The following SPATS2L variants were observed in gnomAD, a reference collection of about 807,000 sequenced individuals.
The protein encoded by SPATS2L is SPATS2-like protein.
A neutral mutation model predicts 59.6 loss-of-function variants in SPATS2L; 30 were observed. The observed-to-expected ratio is 0.50, with a 90% CI of 0.38 to 0.68. SPATS2L has a LOEUF of 0.68. Among genes scored for constraint, SPATS2L ranks in the 30% least tolerant of loss-of-function variants. The probability of loss-of-function intolerance (pLI) is 0.00; values close to 1 mark genes in which losing one functional copy is unlikely to be tolerated. For missense variants in SPATS2L, 615 were observed against 700.0 expected, an observed-to-expected ratio of 0.88 and a Z score of 1.37; for synonymous variants, 252 against 263.5, an observed-to-expected ratio of 0.96 and a Z score of 0.42.
chr2:200,475,246 G>C (rs1458079313), intron 12 of SPATS2L, among the ~76,000 whole-genome samples: 1 of 152,206 alleles, frequency 6.6e-6, no homozygotes, highest in African/African-American at 2.4e-5. Context: ...ATCTGAGACA[G>C]GTCTCAGATA....
At chr2:200,308,239 G>GAAAA (rs11400971) in intron 1 of SPATS2L, among the ~76,000 whole-genome samples, 3 of 147,002 alleles carry the variant, frequency 2.0e-5, no homozygotes, top group Non-Finnish European at 4.5e-5. Flanking sequence ...TCTTCACTCT[G>GAAAA]AAAAAAAAAA....
chr2:200,408,158 A>G (rs1306089148), intron 3 of SPATS2L, among the ~76,000 whole-genome samples: 1 of 152,150 alleles, frequency 6.6e-6, no homozygotes, highest in Non-Finnish European at 1.5e-5. Flanking sequence ...CATGGAACAC[A>G]TGGCATTTCA....
intron 8 of SPATS2L, among the ~76,000 whole-genome samples, chr2:200,447,023 GA>G (rs2085093976): frequency 6.6e-6 from 1 of 152,174 alleles, no homozygotes; most frequent in South Asian, 2.1e-4. Flanking sequence ...GTCCTTAGAA[GA>G]AAATGGAAAA....
rs571261036 is a variant in SPATS2L, at chr2:200,414,814, T to G, written c.149-1565T>G. On this transcript the variant is annotated intron_variant, in intron 4 of 12. Coordinates refer to ENST00000409140, the MANE Select transcript of SPATS2L (RefSeq NM_001100423.2). ...AATCCTCTGTAAATATGGGTATTTC[T>G]TCTTCAAAATTAGTCCCTAAAGCTC... 4.6e-5 allele frequency among the ~76,000 whole-genome samples: 7 copies of G among 152,340 alleles called. No homozygotes were observed. In the South Asian group the frequency reaches 6.2e-4, roughly 14 times the overall value.
chr2:200,442,246 T>C (rs1186913589), intron 8 of SPATS2L, among the ~76,000 whole-genome samples: 1 of 152,226 alleles, frequency 6.6e-6, no homozygotes, highest in Non-Finnish European at 1.5e-5. Context: ...TTATTACTAT[T>C]ATTTTATAGT....
intron 2 of SPATS2L, among the ~76,000 whole-genome samples, chr2:200,345,529 C>A (rs1419414443): frequency 6.6e-6 from 1 of 152,152 alleles, no homozygotes; most frequent in Admixed American, 6.6e-5. Flanking sequence ...GACTGCCCTG[C>A]AAAATGAAGG....
At chr2:200,417,628 T>C (rs986483019) in intron 5 of SPATS2L, among the ~76,000 whole-genome samples, 4 of 152,126 alleles carry the variant, frequency 2.6e-5, no homozygotes, top group African/African-American at 9.7e-5. Flanking sequence ...ATGTGAGGCT[T>C]GAGAGCCAGA....
At chr2:200,376,470 T>C (rs545290545) in intron 2 of SPATS2L, among the ~76,000 whole-genome samples, 25 of 152,358 alleles carry the variant, frequency 1.6e-4, no homozygotes, top group Admixed American at 6.5e-4. Context: ...TGAAATCATG[T>C]ATGGAAAGAG....
chr2:200,473,782 T>C (rs2087268754), intron 12 of SPATS2L, among the ~76,000 whole-genome samples: 1 of 152,132 alleles, frequency 6.6e-6, no homozygotes, highest in Non-Finnish European at 1.5e-5. Flanking sequence ...GGCAGATCAC[T>C]TGAGGTCAGG....
intron 8 of SPATS2L, among the ~76,000 whole-genome samples, chr2:200,449,446 A>C (rs950292769): frequency 3.3e-5 from 5 of 152,240 alleles, no homozygotes; most frequent in Non-Finnish European, 7.3e-5. Flanking sequence ...CCTTCTTTGC[A>C]GAATAAAGGC....
At position 200,440,717 on chromosome 2, in the gene SPATS2L, A is replaced by G. The variant is rs758608580; in HGVS notation, c.721A>G (p.Met241Val). Residue 241 changes from methionine (M) to valine (V), a missense_variant, in exon 8 of 13, where the codon ATG becomes GTG. Physicochemically the swap from Met to Val is conservative, Grantham distance 21 (BLOSUM62 1). Around this residue, in one of 3 missense-constraint regions of SPATS2L, gnomAD observed 104 missense variants for 162.5 expected, o/e 0.64. Coordinates refer to ENST00000409140, the MANE Select transcript of SPATS2L (RefSeq NM_001100423.2). ...CTVSLTRYRV[M>V]IKEEVDSSVK... ...CGTTTCTCTAACTAGATATCGCGTC[A>G]TGATTAAGGAAGAAGTGGATAGTTC... The G allele has an allele frequency of 2.5e-6, 4 of 1,613,760 alleles. No homozygotes were observed. Among genetic ancestry groups the G allele is most frequent in the South Asian group, 1.1e-5 (1 of 91,080 alleles).
intron 2 of SPATS2L, among the ~76,000 whole-genome samples, chr2:200,356,008 TG>T (rs2080902002): frequency 6.6e-6 from 1 of 152,226 alleles, no homozygotes; most frequent in South Asian, 2.1e-4. Flanking sequence ...ATCTATGTAA[TG>T]GTTGACTAAA....
intron 2 of SPATS2L, among the ~76,000 whole-genome samples, chr2:200,356,440 G>T (rs1192958983): frequency 6.6e-6 from 1 of 152,064 alleles, no homozygotes. Flanking sequence ...TAAAAAAATG[G>T]TTCCAAGAAA....
intron 6 of SPATS2L, among the ~76,000 whole-genome samples, chr2:200,426,239 T>C (rs1029441030): frequency 3.3e-5 from 5 of 151,956 alleles, no homozygotes; most frequent in Non-Finnish European, 7.4e-5. Context: ...TACAGGCGCA[T>C]GCCACCATAC....
intron 2 of SPATS2L, among the ~76,000 whole-genome samples, chr2:200,350,358 T>C (rs1425415576): frequency 6.6e-6 from 1 of 152,136 alleles, no homozygotes; most frequent in Non-Finnish European, 1.5e-5. Context: ...TTGTTGTCCT[T>C]TTGGGCTTAT....
chr2:200,455,667 CTCA>C (rs2085784847), intron 8 of SPATS2L, among the ~76,000 whole-genome samples: 1 of 152,154 alleles, frequency 6.6e-6, no homozygotes, highest in Non-Finnish European at 1.5e-5. Context: ...TCTTCTGTGA[CTCA>C]TCAACTCCCT....
intron 2 of SPATS2L, among the ~76,000 whole-genome samples, chr2:200,376,001 T>A (rs1251491734): frequency 6.6e-6 from 1 of 152,042 alleles, no homozygotes; most frequent in East Asian, 1.9e-4. Context: ...GGAGAAAAAA[T>A]TATTAAAAAT....
chr2:200,381,567 A>AT (rs1316682377), intron 2 of SPATS2L, among the ~76,000 whole-genome samples: 2 of 152,218 alleles, frequency 1.3e-5, no homozygotes, highest in African/African-American at 2.4e-5. Flanking sequence ...GGAGAATGAA[A>AT]TAAATTAGTC....
intron 2 of SPATS2L, among the ~76,000 whole-genome samples, chr2:200,335,039 A>G (rs892756678): frequency 3.9e-5 from 6 of 152,066 alleles, no homozygotes; most frequent in Non-Finnish European, 7.3e-5. Flanking sequence ...GTTTTTTCCA[A>G]TTCTGTGAAG....
Sources: gnomAD v4.1 joint callset for allele counts (sites outside exome capture counted in the v4.1 genomes callset) on GRCh38, gnomAD v4.1.1 for gene constraint, gnomAD v4.1.1 regional missense constraint, MANE v1.5 for transcripts, NCBI Gene and HGNC (gene_info 2026-07-23, HGNC 2026-07-21) for gene names.